The following DCC variants were observed in gnomAD, a reference collection of about 807,000 sequenced individuals.
The protein encoded by DCC is DCC netrin 1 receptor.
Under a neutral mutation model 172.5 loss-of-function variants are expected in DCC, and 58 were observed. The ratio of observed to expected loss-of-function variants is 0.34; its 90% CI spans 0.27 to 0.42. The LOEUF is 0.42. Among genes scored for constraint, DCC ranks in the 10% least tolerant of loss-of-function variants. The pLI is 1.00. For missense variants in DCC, 1,740 were observed against 1,791.0 expected (o/e 0.97, Z 0.51); for synonymous variants, 709 against 644.5 (o/e 1.10, Z -1.52).
At chr18:53,064,286 A>G (rs2042537442) in intron 6 of DCC, among the ~76,000 whole-genome samples, 1 of 152,112 alleles carries the variant, frequency 6.6e-6, no homozygotes, top group African/African-American at 2.4e-5. Flanking sequence ...AATCTCACTT[A>G]TAGGTATAGG....
intron 9 of DCC, among the ~76,000 whole-genome samples, chr18:53,189,423 A>G (rs1217209760): frequency 6.6e-6 from 1 of 151,576 alleles, no homozygotes; most frequent in Non-Finnish European, 1.5e-5. Flanking sequence ...TTTTATATAT[A>G]TATAAACTTT....
chr18:52,359,817 A>G (rs1984539967), intron 1 of DCC, among the ~76,000 whole-genome samples: 1 of 152,174 alleles, frequency 6.6e-6, no homozygotes, highest in Non-Finnish European at 1.5e-5. Context: ...GTATGTTCCC[A>G]TATTATTTTT....
chr18:52,839,030 T>C (rs1266901821), intron 2 of DCC, among the ~76,000 whole-genome samples: 1 of 152,174 alleles, frequency 6.6e-6, no homozygotes, highest in Non-Finnish European at 1.5e-5. Context: ...GCAGAGGACA[T>C]GTGGAGCAAT....
At chr18:52,765,512 C>T (rs2037233651) in intron 2 of DCC, among the ~76,000 whole-genome samples, 1 of 152,152 alleles carries the variant, frequency 6.6e-6, no homozygotes, top group Non-Finnish European at 1.5e-5. Flanking sequence ...GTTCTTGCAA[C>T]CCACCTTCAG....
chr18:53,511,679 G>A (rs895993563), intron 27 of DCC, among the ~76,000 whole-genome samples: 12 of 152,174 alleles, frequency 7.9e-5, no homozygotes, highest in African/African-American at 2.4e-4. Flanking sequence ...TTCCCTTTCC[G>A]AGTCAAAGAA....
chr18:52,668,998 G>T (rs897832161), intron 1 of DCC, among the ~76,000 whole-genome samples: 1 of 152,210 alleles, frequency 6.6e-6, no homozygotes, highest in African/African-American at 2.4e-5. Flanking sequence ...AGAGCTGGCC[G>T]CACTGGAGAC....
At chr18:52,887,568 T>C (rs528616387) in intron 2 of DCC, among the ~76,000 whole-genome samples, 2 of 152,296 alleles carry the variant, frequency 1.3e-5, no homozygotes, top group South Asian at 2.1e-4. Context: ...TCCCCTCTTA[T>C]TCATTAACGA....
chr18:53,518,171 T>C (rs775846219), intron 27 of DCC, among the ~76,000 whole-genome samples: 1 of 152,188 alleles, frequency 6.6e-6, no homozygotes, highest in Non-Finnish European at 1.5e-5. Flanking sequence ...CATTTCATTT[T>C]GTCTGGCATC....
chr18:52,404,957 C>T (rs1206046718), intron 1 of DCC, among the ~76,000 whole-genome samples: 1 of 151,660 alleles, frequency 6.6e-6, no homozygotes, highest in East Asian at 1.9e-4. Context: ...ATGATGATTT[C>T]CAATTTCATC....
chr18:53,089,822 ATTG>A lies in DCC; in HGVS notation c.1261+23659_1261+23661del, dbSNP rs1422560049. Among the ~76,000 whole-genome samples the A allele has an allele frequency of 3.3e-5, 5 of 152,138 alleles. No individual in the cohort carries two copies. The East Asian group carries it at 9.6e-4, about 29-fold the overall frequency. ...TCTCAATTTTCTTATGATGTAATAA[ATTG>A]TTTTTAGTTTAAAATCATTTTTATG... On this transcript the variant is annotated intron_variant, in intron 7 of 28. Transcript: ENST00000442544.
At chr18:53,139,659 C>T (rs2043801501) in intron 7 of DCC, among the ~76,000 whole-genome samples, 1 of 151,952 alleles carries the variant, frequency 6.6e-6, no homozygotes, top group South Asian at 2.1e-4. Flanking sequence ...CTATTGTCAC[C>T]CACATTTTAT....
intron 12 of DCC, among the ~76,000 whole-genome samples, chr18:53,242,197 C>A (rs1336638150): frequency 6.6e-6 from 1 of 152,064 alleles, no homozygotes; most frequent in African/African-American, 2.4e-5. Flanking sequence ...CTGCAAATTT[C>A]AAGGGAAGAC....
intron 22 of DCC, among the ~76,000 whole-genome samples, chr18:53,437,258 A>G (rs909854745): frequency 2.0e-5 from 3 of 152,180 alleles, no homozygotes; most frequent in African/African-American, 7.2e-5. Flanking sequence ...TTGCTCTGGC[A>G]GTCCCTAACA....
At chr18:53,134,472 A>G (rs1364053845) in intron 7 of DCC, among the ~76,000 whole-genome samples, 8 of 152,286 alleles carry the variant, frequency 5.3e-5, no homozygotes, top group African/African-American at 1.9e-4. Context: ...AGAATGCTGC[A>G]TTACTAGAGC....
intron 1 of DCC, among the ~76,000 whole-genome samples, chr18:52,683,530 C>CA (rs1179671771): frequency 1.3e-5 from 2 of 151,974 alleles, no homozygotes; most frequent in African/African-American, 4.8e-5. Context: ...ACTCAACTGA[C>CA]AAAAAGTCTA....
chr18:52,875,850 G>C (rs986791087), intron 2 of DCC, among the ~76,000 whole-genome samples: 18 of 152,044 alleles, frequency 1.2e-4, no homozygotes, highest in Middle Eastern at 3.4e-3. Context: ...CTGCCACACA[G>C]AGGCTGGTTC....
At chr18:53,403,979 A>G (rs1301679581) in intron 19 of DCC, among the ~76,000 whole-genome samples, 1 of 152,208 alleles carries the variant, frequency 6.6e-6, no homozygotes, top group African/African-American at 2.4e-5. Flanking sequence ...ATATGGAAAA[A>G]GAAGTGAGGC....
chr18:52,456,243 T>C (rs1243236153), intron 1 of DCC, among the ~76,000 whole-genome samples: 1 of 152,220 alleles, frequency 6.6e-6, no homozygotes, highest in African/African-American at 2.4e-5. Flanking sequence ...CAAGTTTCAG[T>C]CTTATAGTGA....
At chr18:52,489,938 T>C (rs1295038417) in intron 1 of DCC, among the ~76,000 whole-genome samples, 2 of 152,136 alleles carry the variant, frequency 1.3e-5, no homozygotes, top group South Asian at 2.1e-4. Context: ...TTTACAAACA[T>C]TTATTGTGAG....
Sources: allele counts gnomAD v4.1 joint callset (sites outside exome capture counted in the v4.1 genomes callset), GRCh38; gene constraint gnomAD v4.1.1; transcripts MANE v1.5; gene names NCBI Gene and HGNC (gene_info 2026-07-23, HGNC 2026-07-21).